Variants in MLLT3 observed in about 807,000 individuals in gnomAD.
MLLT3 encodes the protein protein AF-9.
Under a neutral mutation model 53.2 loss-of-function variants are expected in MLLT3, and 4 were observed. That is an observed-to-expected ratio of 0.08 (90% CI 0.04 to 0.17). The LOEUF (loss-of-function observed/expected upper bound fraction) is 0.17. Among genes scored for constraint, MLLT3 ranks in the 10% least tolerant of loss-of-function variants. The pLI, the probability that MLLT3 is intolerant of heterozygous loss-of-function variation, is 1.00. For missense variants in MLLT3, 569 were observed against 684.0 expected, an observed-to-expected ratio of 0.83 and a Z score of 1.87; for synonymous variants, 283 against 230.6, an observed-to-expected ratio of 1.23 and a Z score of -2.06.
At chr9:20,388,052 G>C (rs534301463) in intron 5 of MLLT3, among the ~76,000 whole-genome samples, 144 of 152,174 alleles carry the variant, frequency 9.5e-4, no homozygotes, top group Non-Finnish European at 1.5e-3. Context: ...TGTTTATGAA[G>C]ATCAGTATTT....
chr9:20,576,537 T>C (rs1819657032), intron 2 of MLLT3, among the ~76,000 whole-genome samples: 1 of 151,872 alleles, frequency 6.6e-6, no homozygotes, highest in Non-Finnish European at 1.5e-5. Context: ...TGCCAGGAAA[T>C]AGGGAGGTCC....
At chr9:20,615,360 G>GAAAAAAAAAAAAAAAA (rs10601830) in intron 2 of MLLT3, among the ~76,000 whole-genome samples, 1 of 48,774 alleles carries the variant, frequency 2.1e-5, no homozygotes, top group African/African-American at 7.0e-5. Flanking sequence ...CAGACCATGT[G>GAAAAAAAAAAAAAAAA]AAAAAAAAAA....
At chr9:20,556,991 G>A (rs1311579345) in intron 2 of MLLT3, among the ~76,000 whole-genome samples, 2 of 152,052 alleles carry the variant, frequency 1.3e-5, no homozygotes, top group Admixed American at 6.5e-5. Context: ...AGTAGCAGTC[G>A]GTCTGCACTC....
At chr9:20,348,607 A>T (rs1820935711) in intron 10 of MLLT3, among the ~76,000 whole-genome samples, 1 of 152,176 alleles carries the variant, frequency 6.6e-6, no homozygotes, top group Non-Finnish European at 1.5e-5. Context: ...GTGGGGAGGG[A>T]GTCAGAAGAA....
intron 2 of MLLT3, among the ~76,000 whole-genome samples, chr9:20,591,324 T>C (rs915999047): frequency 2.6e-5 from 4 of 152,212 alleles, no homozygotes; most frequent in Non-Finnish European, 5.9e-5. Context: ...TTCCCAGATT[T>C]CACTCTGAAA....
chr9:20,596,700 A>C (rs1259281546), intron 2 of MLLT3, among the ~76,000 whole-genome samples: 1 of 152,226 alleles, frequency 6.6e-6, no homozygotes, highest in Non-Finnish European at 1.5e-5. Context: ...ATCTCAAAAA[A>C]TAAATAAATA....
At chr9:20,542,673 G>C (rs1233282580) in intron 2 of MLLT3, among the ~76,000 whole-genome samples, 3 of 152,156 alleles carry the variant, frequency 2.0e-5, no homozygotes, top group Non-Finnish European at 4.4e-5. Flanking sequence ...TACACTACAA[G>C]CAGAGTAAAA....
At chr9:20,517,907 G>T (rs974088952) in intron 2 of MLLT3, among the ~76,000 whole-genome samples, 6 of 152,084 alleles carry the variant, frequency 3.9e-5, no homozygotes, top group African/African-American at 1.2e-4. Flanking sequence ...CAAAAGAGAT[G>T]AAGACTTGTC....
intron 2 of MLLT3, among the ~76,000 whole-genome samples, chr9:20,539,799 T>G (rs556518510): frequency 6.6e-6 from 1 of 152,284 alleles, no homozygotes; most frequent in East Asian, 1.9e-4. Flanking sequence ...GTCCCCGAAG[T>G]CTTAACTCAT....
chr9:20,597,661 T>C (rs141691994), intron 2 of MLLT3, among the ~76,000 whole-genome samples: 91 of 152,304 alleles, frequency 6.0e-4, no homozygotes, highest in African/African-American at 2.2e-3. Context: ...ACTTGACCAA[T>C]AAGATAAGAA....
rs545847053 is a variant in MLLT3 at position 20,457,943 on chromosome 9, T to G, written c.194-1157A>C. Among the ~76,000 whole-genome samples, 3 of 152,312 alleles carry G rather than the reference T, an allele frequency of 2.0e-5. No individual in the cohort carries two copies. The East Asian group carries it at 5.8e-4, about 29-fold the overall frequency. On this transcript the variant is annotated intron_variant, in intron 2 of 10. Coordinates refer to ENST00000380338, the MANE Select transcript of MLLT3 (RefSeq NM_004529.4). The stretch of plus-strand genomic sequence containing the variant: ...TGCCAAATATCAAGGCCACACACAC[T>G]GATGCCCTGAGTCCTCTTCAGCAGC...
chr9:20,414,473 T>C, intron 4 of MLLT3, 48 bp from the exon 5 acceptor site: 1 of 1,597,816 alleles, frequency 6.3e-7, no homozygotes, highest in Non-Finnish European at 8.5e-7. Flanking sequence ...TAAATAGCAA[T>C]GAAGAGTCAA....
chr9:20,429,633 T>C (rs1316378758), intron 4 of MLLT3, among the ~76,000 whole-genome samples: 2 of 152,130 alleles, frequency 1.3e-5, no homozygotes, highest in Admixed American at 6.6e-5. Flanking sequence ...GTGACAAAAA[T>C]GCTTGTCAAG....
intron 2 of MLLT3, among the ~76,000 whole-genome samples, chr9:20,488,091 A>G (rs1023192517): frequency 1.1e-4 from 17 of 152,156 alleles, no homozygotes; most frequent in Non-Finnish European, 2.5e-4. Context: ...ATACCCATAA[A>G]CCAAATCTTC....
chr9:20,618,593 C>G (rs1054104393), intron 2 of MLLT3, among the ~76,000 whole-genome samples: 8 of 152,194 alleles, frequency 5.3e-5, no homozygotes, highest in African/African-American at 9.7e-5. Context: ...AGAACCTCCA[C>G]AGTTGAGTAT....
chr9:20,490,617 C>A (rs1459192354), intron 2 of MLLT3, among the ~76,000 whole-genome samples: 1 of 152,218 alleles, frequency 6.6e-6, no homozygotes, highest in African/African-American at 2.4e-5. Flanking sequence ...TCAGGAAACC[C>A]ACAGCAGAGA....
At chr9:20,579,393 TAAGAAATGAG>T (rs1322403734) in intron 2 of MLLT3, among the ~76,000 whole-genome samples, 1 of 151,106 alleles carries the variant, frequency 6.6e-6, no homozygotes, top group South Asian at 2.1e-4. Flanking sequence ...AAAAAAAAAT[TAAGAAATGAG>T]AAGAAATGAA....
intron 2 of MLLT3, among the ~76,000 whole-genome samples, chr9:20,577,480 T>G (rs1291890670): frequency 6.6e-6 from 1 of 152,194 alleles, no homozygotes; most frequent in African/African-American, 2.4e-5. Context: ...TCTTAACCCA[T>G]GTACCTTTTC....
chr9:20,526,555 T>C (rs955636922), intron 2 of MLLT3, among the ~76,000 whole-genome samples: 2 of 152,228 alleles, frequency 1.3e-5, no homozygotes, highest in South Asian at 2.1e-4. Flanking sequence ...TATTCACTAA[T>C]GTAGATCATT....
Sources: gnomAD v4.1 joint callset for allele counts (sites outside exome capture counted in the v4.1 genomes callset) on GRCh38, gnomAD v4.1.1 for gene constraint, MANE v1.5 for transcripts, NCBI Gene and HGNC (gene_info 2026-07-23, HGNC 2026-07-21) for gene names.